The following CFAP221 variants were observed in gnomAD, a reference collection of about 807,000 sequenced individuals.
CFAP221 encodes cilia and flagella associated protein 221.
Under a neutral mutation model 113.1 loss-of-function variants are expected in CFAP221, and 97 were observed. The observed-to-expected ratio is 0.86, with a 90% CI of 0.73 to 1.02. CFAP221 has a LOEUF of 1.02. Among genes scored for constraint, CFAP221 ranks in the 50% least tolerant of loss-of-function variants. The pLI, the probability that CFAP221 is intolerant of heterozygous loss-of-function variation, is 0.00. For missense variants in CFAP221, 1,025 were observed against 1,013.4 expected (o/e 1.01, Z -0.16); for synonymous variants, 331 against 354.4 (o/e 0.93, Z 0.74).
chr2:119,606,466 T>C (rs2860875), intron 11 of CFAP221, among the ~76,000 whole-genome samples: 112,237 of 151,946 alleles, frequency 0.74, 42,647 homozygotes, highest in South Asian at 0.85. Flanking sequence ...ATGGCCCTTG[T>C]TTCCATCAGA....
chr2:119,549,522 A>G (rs12465746), intron 3 of CFAP221, among the ~76,000 whole-genome samples: 25 of 152,324 alleles, frequency 1.6e-4, no homozygotes, highest in Non-Finnish European at 2.8e-4. Context: ...CTCATTATAT[A>G]TATAGATGAG....
rs185050042 is a variant in CFAP221 at position 119,545,900 on chromosome 2, A to G, written c.-47-185A>G. Among the ~76,000 whole-genome samples, 94 of 152,282 alleles carry G rather than the reference A, an allele frequency of 6.2e-4. 1 individual carries two copies. Among genetic ancestry groups the G allele is most frequent in the African/African-American group, 2.2e-3 (90 of 41,556 alleles). On this transcript the variant is annotated intron_variant, in intron 1 of 23. Coordinates refer to ENST00000413369, the MANE Select transcript of CFAP221 (RefSeq NM_001271049.2). The stretch of plus-strand genomic sequence containing the variant: ...GAGCAATGGCATGACATTGGGTTGC[A>G]ATGGGTTATGTAAGAAGATTAATGG...
At chr2:119,621,758 G>A (rs1007992944) in intron 14 of CFAP221, among the ~76,000 whole-genome samples, 1 of 152,134 alleles carries the variant, frequency 6.6e-6, no homozygotes, top group Non-Finnish European at 1.5e-5. Context: ...ACAACTACAT[G>A]GAAACTGAAC....
chr2:119,639,492 T>C (rs1012093394), intron 20 of CFAP221, among the ~76,000 whole-genome samples: 1 of 152,204 alleles, frequency 6.6e-6, no homozygotes, highest in Non-Finnish European at 1.5e-5. Context: ...ATAAACAAAA[T>C]AGATTCTAAG....
At chr2:119,577,452 G>A (rs1450298329) in intron 6 of CFAP221, among the ~76,000 whole-genome samples, 1 of 152,188 alleles carries the variant, frequency 6.6e-6, no homozygotes, top group Non-Finnish European at 1.5e-5. Context: ...TTCAAAGAGA[G>A]CAGCAGGAGG....
In CFAP221 at chr2:119,605,264, G is replaced by A. The variant is rs756457015; in HGVS notation, c.1108G>A (p.Glu370Lys). 15 of 1,613,650 alleles carry A rather than the reference G, an allele frequency of 9.3e-6. No individual in the cohort carries two copies. The highest frequency in any genetic ancestry group is 7.7e-5 in the South Asian group (7 of 91,074). Residue 370 changes from glutamate (E) to lysine (K), a missense_variant, in exon 11 of 24, where the codon GAA (glutamate) becomes AAA (lysine). Coordinates refer to ENST00000413369, the MANE Select transcript of CFAP221 (RefSeq NM_001271049.2). ...FEQKVRQDIH[E>K]EMENHLKWQV... ...ACAGAAAGTCAGACAGGACATTCAC[G>A]AAGAGATGGAAAATCATCTTAAGTG...
chr2:119,628,573 T>C (rs1239556695), intron 16 of CFAP221, among the ~76,000 whole-genome samples: 1 of 152,218 alleles, frequency 6.6e-6, no homozygotes, highest in Non-Finnish European at 1.5e-5. Flanking sequence ...AACAAAATGT[T>C]GCTCGAGTTC....
intron 6 of CFAP221, among the ~76,000 whole-genome samples, chr2:119,578,118 A>G (rs1682583259): frequency 6.6e-6 from 1 of 152,226 alleles, no homozygotes. Context: ...TCCACAGGCT[A>G]CTTGGGCTTC....
intron 22 of CFAP221, among the ~76,000 whole-genome samples, chr2:119,647,696 T>C (rs1687895187): frequency 6.6e-6 from 1 of 152,184 alleles, no homozygotes; most frequent in South Asian, 2.1e-4. Context: ...TTACTTCCTC[T>C]TTTTTAAAAA....
intron 7 of CFAP221, among the ~76,000 whole-genome samples, chr2:119,598,149 A>T (rs1487978320): frequency 1.3e-5 from 2 of 152,206 alleles, no homozygotes; most frequent in Non-Finnish European, 2.9e-5. Context: ...TTAAAATTAA[A>T]TAATTTTACA....
At position 119,601,233 on chromosome 2, in the gene CFAP221, A is replaced by C. The variant is rs1270306872; in HGVS notation, c.647A>C (p.Asn216Thr). 7 of 1,525,424 alleles carry C rather than the reference A, an allele frequency of 4.6e-6. No individual in the cohort carries two copies. Among genetic ancestry groups the C allele is most frequent in the Admixed American group, 4.0e-5 (2 of 50,280 alleles). The allele number at this position is 1,525,424 out of a possible 1,614,324, so 94.5% of individuals were successfully genotyped here. A position where few individuals can be genotyped will look rare whatever the true frequency, so the allele number is the denominator to read the frequency against. The change falls in exon 8 of 24, where the codon AAT becomes ACT. Residue 216 changes from asparagine (N) to threonine (T), a missense_variant. Transcript: ENST00000413369. ...TTCCTCTCAGGAATAATTCCGGCTAATGGGAAGATGACTGTGACTATTAAG... is the reference window on the plus strand; with the variant it reads ...TTCCTCTCAGGAATAATTCCGGCTACTGGGAAGATGACTGTGACTATTAAG... ...IEPTSGIIPA[N>T]GKMTVTIKFT...
At chr2:119,556,148 A>G (rs1680779816) in intron 3 of CFAP221, 1 of 152,314 alleles carries the variant, frequency 6.6e-6, no homozygotes, top group African/African-American at 2.4e-5. Flanking sequence ...CTTCTCTGCC[A>G]TCCACCACGT....
At chr2:119,593,770 G>A (rs1188766023) in intron 7 of CFAP221, among the ~76,000 whole-genome samples, 2 of 151,966 alleles carry the variant, frequency 1.3e-5, no homozygotes, top group African/African-American at 2.4e-5. Context: ...CCTGGGAGGC[G>A]GAGCTTGCAG....
At chr2:119,627,330 T>C (rs1686382200) in intron 15 of CFAP221, among the ~76,000 whole-genome samples, 1 of 152,208 alleles carries the variant, frequency 6.6e-6, no homozygotes, top group Admixed American at 6.5e-5. Context: ...TTCTAAAAAA[T>C]TATAAAATTT....
rs778541330 is a variant in CFAP221 at position 119,587,228 on chromosome 2, G to A, written c.631+6G>A. On this transcript the variant is annotated splice_donor_region_variant and intron_variant, in intron 7 of 23. Transcript: ENST00000413369. ...TGCTATTGAGCCAACATCAGGTAAGGAGTGTCAAGATTTCAAGTTCTAAAA... is the reference window on the plus strand; with the variant it reads ...TGCTATTGAGCCAACATCAGGTAAGAAGTGTCAAGATTTCAAGTTCTAAAA... The A allele has an allele frequency of 2.4e-5, 36 of 1,484,302 alleles. No individual in the cohort carries two copies. In the South Asian group the frequency reaches 4.3e-4, roughly 18 times the overall value. The allele number at this position is 1,484,302 out of a possible 1,614,324, so 91.9% of individuals were successfully genotyped here. A position where few individuals can be genotyped will look rare whatever the true frequency, so the allele number is the denominator to read the frequency against.
chr2:119,545,023 A>G (rs1328821168), intron 1 of CFAP221: 1 of 145,308 alleles, frequency 6.9e-6, no homozygotes, highest in African/African-American at 2.5e-5. Flanking sequence ...CAGCGATGCT[A>G]TGAGAGGTGG....
At chr2:119,628,292 GGGGT>G (rs1253666053) in intron 16 of CFAP221, among the ~76,000 whole-genome samples, 410 of 12,038 alleles carry the variant, frequency 0.034, 7 homozygotes, top group Middle Eastern at 0.062. Context: ...CTCTCTCTGG[GGGGT>G]GTGTGTGTGT....
chr2:119,618,429 A>G (rs2104722737), intron 14 of CFAP221, among the ~76,000 whole-genome samples: 1 of 152,298 alleles, frequency 6.6e-6, no homozygotes, highest in South Asian at 2.1e-4. Flanking sequence ...GGTACAGCCC[A>G]TGGAGGGTGA....
rs1686410065 is a variant in CFAP221, at chr2:119,627,654, G to C, written c.1518G>C (p.Glu506Asp). 2 of 1,612,944 alleles carry C rather than the reference G, an allele frequency of 1.2e-6. No individual in the cohort carries two copies. The highest frequency in any genetic ancestry group is 2.7e-5 in the African/African-American group (2 of 74,728). ...IGQAKQSIAQEANFFKFFLRR... is the reference protein window; with the variant it reads ...IGQAKQSIAQDANFFKFFLRR... The stretch of plus-strand genomic sequence containing the variant: ...AAGTGCCCTTTTTTTCACCCATAGA[G>C]GCGAATTTCTTCAAATTCTTCCTGA... The change falls in exon 16 of 24, where the codon GAG becomes GAC. Residue 506 changes from glutamate (E) to aspartate (D), a missense_variant and splice_region_variant. Coordinates refer to ENST00000413369, the MANE Select transcript of CFAP221 (RefSeq NM_001271049.2).
Sources: gnomAD v4.1 joint callset for allele counts (sites outside exome capture counted in the v4.1 genomes callset) on GRCh38, gnomAD v4.1.1 for gene constraint, MANE v1.5 for transcripts, NCBI Gene and HGNC (gene_info 2026-07-23, HGNC 2026-07-21) for gene names.